The following CCDC102B variants were observed in gnomAD, a reference collection of about 807,000 sequenced individuals.
CCDC102B encodes the protein coiled-coil domain-containing protein 102B.
Under a neutral mutation model 57.4 loss-of-function variants are expected in CCDC102B, and 75 were observed. The ratio of observed to expected loss-of-function variants is 1.31; its 90% confidence interval spans 1.08 to 1.58. The LOEUF (loss-of-function observed/expected upper bound fraction) is 1.58, where lower values mean the gene tolerates loss of function less well. CCDC102B is among the 40% of genes most tolerant of loss of function. The probability of loss-of-function intolerance (pLI) is 0.00; values close to 1 mark genes in which losing one functional copy is unlikely to be tolerated. For synonymous variants in CCDC102B, 206 were observed against 201.9 expected (o/e 1.02, Z -0.17); for missense variants, 636 against 582.6 (o/e 1.09, Z -0.94).
chr18:68,997,639 A>G (rs2051066704), intron 6 of CCDC102B, among the ~76,000 whole-genome samples: 1 of 151,876 alleles, frequency 6.6e-6, no homozygotes, highest in Non-Finnish European at 1.5e-5. Context: ...ATTTTTCTGC[A>G]TTTCATGTTA....
intron 6 of CCDC102B, among the ~76,000 whole-genome samples, chr18:68,957,997 CTTA>C (rs2049947652): frequency 6.6e-6 from 1 of 152,150 alleles, no homozygotes; most frequent in Non-Finnish European, 1.5e-5. Context: ...GTTTAATGGA[CTTA>C]CAGTTCCACG....
At chr18:68,773,999 AGT>A (rs1192866656) in intron 2 of CCDC102B, among the ~76,000 whole-genome samples, 3 of 152,052 alleles carry the variant, frequency 2.0e-5, no homozygotes, top group Non-Finnish European at 4.4e-5. Context: ...GTTATGTAAA[AGT>A]GATCATAATA....
chr18:68,746,549 A>G (rs945864074), intron 2 of CCDC102B, among the ~76,000 whole-genome samples: 4 of 152,144 alleles, frequency 2.6e-5, no homozygotes, highest in South Asian at 2.1e-4. Flanking sequence ...TTCAGAGGTA[A>G]TAACAGCCTA....
chr18:68,820,711 A>G (rs2036659537), intron 1 of CCDC102B, among the ~76,000 whole-genome samples: 1 of 152,084 alleles, frequency 6.6e-6, no homozygotes, highest in African/African-American at 2.4e-5. Flanking sequence ...TCTTTCGTTC[A>G]TACAATAAAT....
chr18:68,798,318 G>A (rs1469522258), intron 1 of CCDC102B, 137 bp downstream of exon 1: 1 of 152,130 alleles, frequency 6.6e-6, no homozygotes, highest in African/African-American at 2.4e-5. Flanking sequence ...CTGGGAAGCA[G>A]AAGGATTTGG....
intron 4 of CCDC102B, among the ~76,000 whole-genome samples, chr18:68,857,388 TA>T (rs1478135820): frequency 8.1e-6 from 1 of 123,058 alleles, no homozygotes; most frequent in African/African-American, 3.1e-5. Flanking sequence ...AATATATATT[TA>T]TTATTTAAAT....
intron 7 of CCDC102B, among the ~76,000 whole-genome samples, chr18:69,036,179 T>C (rs890440578): frequency 2.0e-5 from 3 of 152,120 alleles, no homozygotes; most frequent in Admixed American, 6.6e-5. Flanking sequence ...CTAACAGGCT[T>C]TTGTAGCCAT....
intron 2 of CCDC102B, among the ~76,000 whole-genome samples, chr18:68,760,286 C>A (rs1291376942): frequency 6.6e-6 from 1 of 151,966 alleles, no homozygotes; most frequent in Non-Finnish European, 1.5e-5. Flanking sequence ...ATACAAAATT[C>A]ACACCCCAAC....
intron 7 of CCDC102B, among the ~76,000 whole-genome samples, chr18:69,019,625 G>T (rs1162465954): frequency 6.6e-6 from 1 of 151,998 alleles, no homozygotes; most frequent in Non-Finnish European, 1.5e-5. Flanking sequence ...CAAGTTTTTG[G>T]TGGAGTCTGT....
At chr18:68,719,389 A>C (rs1270182042) in intron 2 of CCDC102B, among the ~76,000 whole-genome samples, 1 of 152,226 alleles carries the variant, frequency 6.6e-6, no homozygotes, top group South Asian at 2.1e-4. Flanking sequence ...AGTCCCTCTG[A>C]AAACCTGATA....
intron 6 of CCDC102B, among the ~76,000 whole-genome samples, chr18:68,971,205 C>T (rs76489366): frequency 0.025 from 3,806 of 151,864 alleles, 122 homozygotes; most frequent in East Asian, 0.15. Context: ...ATCCTTAGTA[C>T]GTAGACTTAA....
At chr18:68,857,276 TAA>T (rs1491486271) in intron 4 of CCDC102B, among the ~76,000 whole-genome samples, 745 of 27,848 alleles carry the variant, frequency 0.027, 104 homozygotes, top group African/African-American at 0.047. Flanking sequence ...AATATATATA[TAA>T]TATATATTTA....
intron 6 of CCDC102B, among the ~76,000 whole-genome samples, chr18:69,002,691 C>A (rs573166204): frequency 7.2e-4 from 110 of 152,048 alleles, no homozygotes; most frequent in Non-Finnish European, 1.2e-3. Context: ...TTAACTAGTT[C>A]TCTATTAAGG....
chr18:68,950,892 CTG>C (rs1426833626), intron 6 of CCDC102B, among the ~76,000 whole-genome samples: 2 of 151,936 alleles, frequency 1.3e-5, no homozygotes, highest in African/African-American at 2.4e-5. Flanking sequence ...CAATGACAAA[CTG>C]TGGATGTAAG....
chr18:68,872,319 C>T (rs941605764), intron 4 of CCDC102B, among the ~76,000 whole-genome samples: 104 of 152,004 alleles, frequency 6.8e-4, no homozygotes, highest in African/African-American at 2.2e-3. Flanking sequence ...GGTAGGTGCA[C>T]GGGAACTGTC....
At chr18:68,770,235 C>G (rs1157559374) in intron 2 of CCDC102B, among the ~76,000 whole-genome samples, 1 of 152,094 alleles carries the variant, frequency 6.6e-6, no homozygotes. Flanking sequence ...GTTTCTTTTG[C>G]TTTTAAATCT....
chr18:69,028,567 G>A (rs900593654), intron 7 of CCDC102B, among the ~76,000 whole-genome samples: 4 of 152,034 alleles, frequency 2.6e-5, no homozygotes, highest in African/African-American at 9.7e-5. Context: ...TGGGCCTGGA[G>A]GTGAGGCAGA....
At chr18:69,004,800 C>T (rs1305517478) in intron 6 of CCDC102B, among the ~76,000 whole-genome samples, 1 of 152,076 alleles carries the variant, frequency 6.6e-6, no homozygotes, top group Non-Finnish European at 1.5e-5. Flanking sequence ...CAGTTATTGG[C>T]ACACGGTAGA....
intron 6 of CCDC102B, among the ~76,000 whole-genome samples, chr18:68,915,157 G>A (rs907375370): frequency 3.9e-5 from 6 of 152,198 alleles, no homozygotes; most frequent in African/African-American, 1.4e-4. Flanking sequence ...TTTCCCATCT[G>A]CTGCACTCAC....
Sources: allele counts gnomAD v4.1 joint callset (sites outside exome capture counted in the v4.1 genomes callset), GRCh38; gene constraint gnomAD v4.1.1; transcripts MANE v1.5; gene names NCBI Gene and HGNC (gene_info 2026-07-23, HGNC 2026-07-21).